Variants in PHTF1 observed in about 807,000 individuals in gnomAD.
PHTF1 encodes protein PHTF1.
In PHTF1, 88 loss-of-function variants were observed where a neutral mutation model predicts 102.4. That is an observed-to-expected ratio of 0.86 (90% CI 0.72 to 1.03). The LOEUF is 1.03. Among genes scored for constraint, PHTF1 ranks in the 50% least tolerant of loss-of-function variants. The pLI, the probability that PHTF1 is intolerant of heterozygous loss-of-function variation, is 0.00. For missense variants in PHTF1, 814 were observed against 909.5 expected (o/e 0.89, Z 1.35); for synonymous variants, 289 against 305.2 (o/e 0.95, Z 0.55).
chr1:113,732,042 A>C (rs954727218), intron 5 of PHTF1, among the ~76,000 whole-genome samples: 6 of 152,024 alleles, frequency 3.9e-5, no homozygotes, highest in Non-Finnish European at 2.9e-5. Flanking sequence ...ACATTTGTGT[A>C]TGTGTGCTGG....
intron 7 of PHTF1, among the ~76,000 whole-genome samples, chr1:113,723,848 TGAGA>T (rs1180158077): frequency 2.0e-5 from 3 of 152,142 alleles, no homozygotes; most frequent in African/African-American, 4.8e-5. Flanking sequence ...ACTCACAGAA[TGAGA>T]GAAAGTCTTA....
chr1:113,701,826 T>TAAAAAAAAAAAAAAAAAAAAAAA (rs34844793), intron 15 of PHTF1, among the ~76,000 whole-genome samples: 5 of 28,000 alleles, frequency 1.8e-4, no homozygotes, highest in African/African-American at 1.5e-4. Context: ...CAATTCCTGG[T>TAAAAAAAAAAAAAAAAAAAAAAA]AAAAAAAAAA....
Position 113,728,482 on chromosome 1 carries a change from C to A in PHTF1, c.332-1908G>T, listed in dbSNP as rs918564059. On this transcript the variant is annotated intron_variant, in intron 5 of 18. Transcript: ENST00000369604. ...TGGAGAGGATATGGAGAAAAGGGAACCCCCGTACACTGTTGGTGGAAATAT... is the reference window on the plus strand; with the variant it reads ...TGGAGAGGATATGGAGAAAAGGGAAACCCCGTACACTGTTGGTGGAAATAT... 3.3e-5 allele frequency among the ~76,000 whole-genome samples: 5 copies of A among 152,270 alleles called. No individual in the cohort carries two copies. In the East Asian group the frequency reaches 9.6e-4, roughly 29 times the overall value.
intron 15 of PHTF1, among the ~76,000 whole-genome samples, chr1:113,702,394 T>A (rs979204198): frequency 6.6e-6 from 1 of 151,862 alleles, no homozygotes; most frequent in African/African-American, 2.4e-5. Context: ...GTGGTTACAG[T>A]AATAACATTA....
chr1:113,729,972 C>A (rs1654401710), intron 5 of PHTF1, among the ~76,000 whole-genome samples: 1 of 152,220 alleles, frequency 6.6e-6, no homozygotes, highest in African/African-American at 2.4e-5. Flanking sequence ...ATCCCAAACA[C>A]TCCTATACCT....
chr1:113,710,693 T>C (rs1445559367), intron 10 of PHTF1, among the ~76,000 whole-genome samples: 2 of 151,510 alleles, frequency 1.3e-5, no homozygotes, highest in Middle Eastern at 3.4e-3. Context: ...TGCAGTGGCA[T>C]GATCATAGCC....
chr1:113,744,509 G>T (rs568970425), intron 3 of PHTF1, among the ~76,000 whole-genome samples: 1 of 152,068 alleles, frequency 6.6e-6, no homozygotes, highest in Non-Finnish European at 1.5e-5. Flanking sequence ...ACAATTACAA[G>T]GCAAGTATAG....
At chr1:113,710,965 T>G (rs1351664362) in intron 10 of PHTF1, among the ~76,000 whole-genome samples, 1 of 151,996 alleles carries the variant, frequency 6.6e-6, no homozygotes, top group Non-Finnish European at 1.5e-5. Flanking sequence ...TTTTAATATT[T>G]AAATGTTAAA....
At chr1:113,747,305 T>C (rs1475738811) in intron 3 of PHTF1, among the ~76,000 whole-genome samples, 5 of 152,188 alleles carry the variant, frequency 3.3e-5, no homozygotes, top group African/African-American at 1.2e-4. Flanking sequence ...AGAACTGTAA[T>C]TGCCTCATTT....
chr1:113,711,781 C>T lies in PHTF1; in HGVS notation c.1012G>A (p.Ala338Thr). ...GCTGCTGATTCAAATTCTGATTCAG[C>T]CAGACTATCTGAATCCCGCACAATA... ...CHIVRDSDSL[A>T]ESEFESAAFS... The change falls in exon 10 of 19, where the codon GCT becomes ACT. Residue 338 changes from alanine to threonine, a missense_variant. Ala to Thr is a moderately conservative substitution (Grantham distance 58, BLOSUM62 0). Coordinates refer to ENST00000369604, the MANE Select transcript of PHTF1 (RefSeq NM_001323043.2). The T allele has an allele frequency of 1.2e-6, 2 of 1,613,832 alleles. No homozygotes were observed. The highest frequency in any genetic ancestry group is 1.7e-6 in the Non-Finnish European group (2 of 1,179,768).
intron 3 of PHTF1, among the ~76,000 whole-genome samples, chr1:113,749,298 TGAATGCAAGCTCAGTGTGCA>T (rs1165387109): frequency 6.6e-6 from 1 of 152,218 alleles, no homozygotes; most frequent in Non-Finnish European, 1.5e-5. Flanking sequence ...ACTAACACAC[TGAATGCAAGCTCAGTGTGCA>T]ATGCGTGAAG....
chr1:113,717,999 TC>T (rs1557926907), intron 7 of PHTF1, among the ~76,000 whole-genome samples: 1 of 152,032 alleles, frequency 6.6e-6, no homozygotes, highest in African/African-American at 2.4e-5. Flanking sequence ...TCCCCCAAAG[TC>T]TTATTTCAAC....
intron 15 of PHTF1, chr1:113,703,817 C>A: frequency 2.5e-6 from 1 of 398,020 alleles, no homozygotes; most frequent in East Asian, 4.0e-5. Context: ...GTCAGAAAAT[C>A]AGTTATTTTG....
At chr1:113,734,132 T>G (rs933670174) in intron 5 of PHTF1, among the ~76,000 whole-genome samples, 2 of 152,070 alleles carry the variant, frequency 1.3e-5, no homozygotes, top group African/African-American at 4.8e-5. Flanking sequence ...TGGTGGCAGG[T>G]GCCTGTAATC....
At chr1:113,719,600 C>T (rs1652599112) in intron 7 of PHTF1, among the ~76,000 whole-genome samples, 1 of 152,188 alleles carries the variant, frequency 6.6e-6, no homozygotes, top group Admixed American at 6.5e-5. Flanking sequence ...CAGCCTAGAC[C>T]TTATTGTTCA....
chr1:113,734,435 A>C (rs932633856), intron 5 of PHTF1, among the ~76,000 whole-genome samples: 1 of 152,254 alleles, frequency 6.6e-6, no homozygotes, highest in African/African-American at 2.4e-5. Context: ...ATATGTTATT[A>C]GAAACTGAAG....
chr1:113,749,980 T>C (rs1657784693), intron 3 of PHTF1, among the ~76,000 whole-genome samples: 1 of 152,076 alleles, frequency 6.6e-6, no homozygotes, highest in Admixed American at 6.6e-5. Flanking sequence ...AACTACCATT[T>C]TTTGGGTTTT....
At chr1:113,744,998 A>C in intron 3 of PHTF1, among the ~76,000 whole-genome samples, 1 of 148,230 alleles carries the variant, frequency 6.7e-6, no homozygotes, top group East Asian at 2.0e-4. Context: ...AGGGGAGGGG[A>C]AGGGAGGGCA....
intron 3 of PHTF1, among the ~76,000 whole-genome samples, chr1:113,755,607 AACAG>A (rs1365197651): frequency 1.3e-5 from 2 of 152,198 alleles, no homozygotes; most frequent in African/African-American, 4.8e-5. Flanking sequence ...TAACTATAGC[AACAG>A]ACAGAGTTCC....
Sources: allele counts gnomAD v4.1 joint callset (sites outside exome capture counted in the v4.1 genomes callset), GRCh38; gene constraint gnomAD v4.1.1; transcripts MANE v1.5; gene names NCBI Gene and HGNC (gene_info 2026-07-23, HGNC 2026-07-21).